The following ARMC3 variants were observed in gnomAD, a reference collection of about 807,000 sequenced individuals.
The protein encoded by ARMC3 is armadillo repeat-containing protein 3.
In ARMC3, 74 loss-of-function variants were observed where a neutral mutation model predicts 90.3. The observed-to-expected ratio is 0.82, with a 90% CI of 0.68 to 0.99. The LOEUF (loss-of-function observed/expected upper bound fraction) is 0.99. Among genes scored for constraint, ARMC3 ranks in the 50% least tolerant of loss-of-function variants. ARMC3 has a pLI of 0.00. For synonymous variants in ARMC3, 334 were observed against 361.8 expected, an observed-to-expected ratio of 0.92 and a Z score of 0.87; for missense variants, 958 against 1,042.8, an observed-to-expected ratio of 0.92 and a Z score of 1.12.
chr10:23,003,149 C>G (rs985882561), intron 12 of ARMC3, 97 bp from the exon 13 acceptor site: 7 of 1,128,636 alleles, frequency 6.2e-6, no homozygotes, highest in Non-Finnish European at 8.6e-6. Context: ...AGCTCCATCT[C>G]CATTCTTCCT....
At chr10:22,931,158 A>G (rs972086170) in intron 1 of ARMC3, among the ~76,000 whole-genome samples, 3 of 152,074 alleles carry the variant, frequency 2.0e-5, no homozygotes, top group African/African-American at 4.8e-5. Flanking sequence ...TGAACTCCTG[A>G]CCTCGTGATT....
At chr10:22,947,043 T>C (rs1291878812) in intron 3 of ARMC3, among the ~76,000 whole-genome samples, 1 of 151,978 alleles carries the variant, frequency 6.6e-6, no homozygotes, top group East Asian at 1.9e-4. Flanking sequence ...TAGTGGTGCA[T>C]GCTTTTAGTC....
chr10:22,936,682 ATTAT>A (rs1246547090), intron 2 of ARMC3, among the ~76,000 whole-genome samples: 1 of 152,174 alleles, frequency 6.6e-6, no homozygotes, highest in Non-Finnish European at 1.5e-5. Flanking sequence ...ACAGCACAGT[ATTAT>A]TTATTTAGTC....
rs139212026 is a variant in ARMC3, at chr10:22,968,041, T to C, written c.733-265T>C. ...GCAGAAGACTGTATGAGCAACTTCA[T>C]TGACTACCATTTCTGGAAGTTTCCT... On this transcript the variant is annotated intron_variant, in intron 7 of 18. Coordinates refer to ENST00000298032, the MANE Select transcript of ARMC3 (RefSeq NM_173081.5). Among the ~76,000 whole-genome samples the C allele has an allele frequency of 3.9e-3, 600 of 152,378 alleles. 3 individuals are homozygous for C. The highest frequency in any genetic ancestry group is 0.014 in the African/African-American group (562 of 41,582).
chr10:23,005,162 G>A (rs1392858496), intron 13 of ARMC3, among the ~76,000 whole-genome samples: 5 of 138,546 alleles, frequency 3.6e-5, no homozygotes, highest in South Asian at 2.5e-4. Flanking sequence ...GTGGTGAGCC[G>A]AGATCATACC....
At chr10:23,004,135 A>T (rs1449503804) in intron 13 of ARMC3, among the ~76,000 whole-genome samples, 3 of 150,028 alleles carry the variant, frequency 2.0e-5, no homozygotes, top group Non-Finnish European at 4.4e-5. Context: ...TCTTTTAAAA[A>T]AAAAAAGTAG....
intron 16 of ARMC3, among the ~76,000 whole-genome samples, chr10:23,027,040 A>G (rs1369873036): frequency 3.9e-5 from 6 of 152,200 alleles, no homozygotes; most frequent in Admixed American, 3.9e-4. Context: ...AAGCCTTACT[A>G]TCAAATACAG....
intron 18 of ARMC3, among the ~76,000 whole-genome samples, chr10:23,035,454 A>C (rs1375006832): frequency 6.6e-6 from 1 of 152,070 alleles, no homozygotes. Flanking sequence ...ATTACCCAGA[A>C]ATCTCCCACC....
At chr10:22,938,266 G>C (rs940528671) in intron 2 of ARMC3, among the ~76,000 whole-genome samples, 1 of 152,144 alleles carries the variant, frequency 6.6e-6, no homozygotes, top group African/African-American at 2.4e-5. Flanking sequence ...AGGAAGGTTG[G>C]TGTGACAGGA....
chr10:23,002,587 TCTTTCTTTTC>T lies in ARMC3; in HGVS notation c.1562+533_1562+542del, dbSNP rs1416742347. Among the ~76,000 whole-genome samples, 60 of 142,508 alleles carry T rather than the reference TCTTTCTTTTC, an allele frequency of 4.2e-4. No homozygotes were observed. In the East Asian group the frequency reaches 8.5e-3, roughly 20 times the overall value. The allele number at this position is 142,508 out of a possible 152,430, so 93.5% of individuals were successfully genotyped here. ...CTTTCTTTCTTTCTTTCTTTCTTTT[TCTTTCTTTTC>T]TTTTTTTCTTTCTTTTTTTTTTTGG... On this transcript the variant is annotated intron_variant, in intron 12 of 18. Coordinates refer to ENST00000298032, the MANE Select transcript of ARMC3 (RefSeq NM_173081.5).
chr10:22,971,960 T>G (rs1835701318), intron 8 of ARMC3, among the ~76,000 whole-genome samples: 1 of 152,200 alleles, frequency 6.6e-6, no homozygotes, highest in South Asian at 2.1e-4. Context: ...TTCAAGCATC[T>G]TTATCGTGTA....
At chr10:22,976,836 C>G (rs754402295) in intron 8 of ARMC3, among the ~76,000 whole-genome samples, 1 of 152,254 alleles carries the variant, frequency 6.6e-6, no homozygotes, top group South Asian at 2.1e-4. Context: ...TCTGAAAATG[C>G]ACAAATACAC....
chr10:23,032,814 G>A (rs1838966722), intron 17 of ARMC3, 47 bp from the exon 18 acceptor site: 1 of 1,554,868 alleles, frequency 6.4e-7, no homozygotes, highest in Non-Finnish European at 8.8e-7. Context: ...AGCATCCTAA[G>A]CGAGTTATTA....
chr10:22,955,454 A>G (rs149700958), intron 3 of ARMC3: 26 of 175,316 alleles, frequency 1.5e-4, no homozygotes, highest in Non-Finnish European at 2.8e-4. Flanking sequence ...GTAGGCAAGC[A>G]AAACACAGAG....
intron 16 of ARMC3, among the ~76,000 whole-genome samples, chr10:23,019,029 C>T (rs1838402698): frequency 6.6e-6 from 1 of 152,236 alleles, no homozygotes; most frequent in East Asian, 1.9e-4. Context: ...AGCCTCACTG[C>T]TGGTTCTCCC....
intron 2 of ARMC3, among the ~76,000 whole-genome samples, chr10:22,942,093 A>G (rs781541429): frequency 7.9e-5 from 12 of 152,224 alleles, no homozygotes; most frequent in Non-Finnish European, 1.5e-4. Flanking sequence ...AGTGTTATTC[A>G]GATAATAGAA....
intron 8 of ARMC3, among the ~76,000 whole-genome samples, chr10:22,975,881 T>G (rs1835900467): frequency 1.3e-5 from 2 of 152,182 alleles, no homozygotes; most frequent in Non-Finnish European, 2.9e-5. Context: ...ACCATCTCTG[T>G]TCTCCTTTCT....
chr10:22,998,425 T>C (rs745401168), intron 11 of ARMC3, 28 bp downstream of exon 11: 7 of 1,611,172 alleles, frequency 4.3e-6, no homozygotes, highest in East Asian at 2.2e-5. Flanking sequence ...ATGTGTTCTC[T>C]CATTTTTCTG....
chr10:22,932,213 A>C (rs1833959865), intron 2 of ARMC3, among the ~76,000 whole-genome samples, 169 bp downstream of exon 2: 1 of 152,242 alleles, frequency 6.6e-6, no homozygotes, highest in African/African-American at 2.4e-5. Flanking sequence ...ATAAACAAAC[A>C]TTTACAACAT....
Sources: gnomAD v4.1 joint callset for allele counts (sites outside exome capture counted in the v4.1 genomes callset) on GRCh38, gnomAD v4.1.1 for gene constraint, MANE v1.5 for transcripts, NCBI Gene and HGNC (gene_info 2026-07-23, HGNC 2026-07-21) for gene names.